The following SGSM2 variants were observed in gnomAD, a reference collection of about 807,000 sequenced individuals.
SGSM2 encodes the protein small G protein signaling modulator 2.
SGSM2 carries 89 observed loss-of-function variants against 126.6 expected under a neutral mutation model. The ratio of observed to expected loss-of-function variants is 0.70; its 90% CI spans 0.59 to 0.84. The LOEUF (loss-of-function observed/expected upper bound fraction) is 0.84, where lower values mean the gene tolerates loss of function less well. SGSM2 is among the 40% of genes least tolerant of loss of function. The pLI, the probability that SGSM2 is intolerant of heterozygous loss-of-function variation, is 0.00. For missense variants in SGSM2, 1,404 were observed against 1,416.6 expected (o/e 0.99, Z 0.14); for synonymous variants, 614 against 574.3 (o/e 1.07, Z -0.99).
In SGSM2 at chr17:2,377,316, T is replaced by G; in HGVS notation, c.2802+248T>G. 3 of 438,132 alleles carry G rather than the reference T, an allele frequency of 6.8e-6. No homozygotes were observed. In the South Asian group the frequency reaches 8.9e-5, roughly 13 times the overall value. The allele number at this position is 438,132 out of a possible 1,614,324, so 27.1% of individuals were successfully genotyped here. On this transcript the variant is annotated intron_variant, in intron 21 of 23. Coordinates refer to ENST00000268989, the MANE Select transcript of SGSM2 (RefSeq NM_014853.3). ...CTGGCCAACATCGTGAAACCCCATCTCTACTAAAAATACAAAAATTAGCCG... is the reference window on the plus strand; with the variant it reads ...CTGGCCAACATCGTGAAACCCCATCGCTACTAAAAATACAAAAATTAGCCG...
chr17:2,363,936 C>A lies in SGSM2; in HGVS notation c.808-123C>A. 1 of 1,234,342 alleles carries A rather than the reference C, an allele frequency of 8.1e-7. No individual in the cohort carries two copies. The highest frequency in any genetic ancestry group is 1.2e-6 in the Non-Finnish European group (1 of 860,934). The allele number at this position is 1,234,342 out of a possible 1,614,324, so 76.5% of individuals were successfully genotyped here. On this transcript the variant is annotated intron_variant, in intron 7 of 23. Coordinates refer to ENST00000268989, the MANE Select transcript of SGSM2 (RefSeq NM_014853.3). The surrounding 1 kb of genome is among the most constrained non-coding windows in gnomAD (Gnocchi z 4.2). ...CCTGTGCTTCTGCCCCGTCCCTAGT[C>A]CAGGACCCCGTGACTAGCCTAGCTT... is the stretch of plus-strand genomic sequence containing the variant.
At chr17:2,358,873 G>GTTTTTGTTTT (rs1567817339) in intron 2 of SGSM2, among the ~76,000 whole-genome samples, 3 of 88,192 alleles carry the variant, frequency 3.4e-5, no homozygotes, top group African/African-American at 1.4e-4. Flanking sequence ...TGTTGTTGTT[G>GTTTTTGTTTT]TTTTTTTTTT....
At position 2,379,873 on chromosome 17, in the gene SGSM2, A is replaced by G. The variant is rs898788445; in HGVS notation, c.*353A>G. ...GAACCTGGGGCCCCACAGGATTAACAGGGGCTATAGCGGCCTGGGCCCTAC... is the reference window on the plus strand; with the variant it reads ...GAACCTGGGGCCCCACAGGATTAACGGGGGCTATAGCGGCCTGGGCCCTAC... On this transcript the variant is annotated 3_prime_UTR_variant, in exon 24 of 24. Coordinates refer to ENST00000268989, the MANE Select transcript of SGSM2 (RefSeq NM_014853.3). 3 of 1,300,256 alleles carry G rather than the reference A, an allele frequency of 2.3e-6. No individual in the cohort carries two copies. The highest frequency in any genetic ancestry group is 6.1e-5 in the East Asian group (2 of 32,700). The allele number at this position is 1,300,256 out of a possible 1,614,324, so 80.5% of individuals were successfully genotyped here. A position where few individuals can be genotyped will look rare whatever the true frequency, so the allele number is the denominator to read the frequency against.
chr17:2,375,361 A>G, intron 17 of SGSM2, 131 bp from the exon 18 acceptor site: 2 of 1,188,030 alleles, frequency 1.7e-6, no homozygotes, highest in Admixed American at 2.8e-5. Context: ...CCGTGGCCAC[A>G]GTGTTGGAGG....
chr17:2,351,348 C>T lies in SGSM2; in HGVS notation c.133+7728C>T, dbSNP rs565035163. On this transcript the variant is annotated intron_variant, in intron 2 of 23. Transcript: ENST00000268989. The stretch of plus-strand genomic sequence containing the variant: ...GGGATTGGTCTGCCTGTGAGGCCTA[C>T]CCAGGAGTAGAGACTAGAGGGGCGG... Among the ~76,000 whole-genome samples, 4 of 152,242 alleles carry T rather than the reference C, an allele frequency of 2.6e-5. No homozygotes were observed. In the East Asian group the frequency reaches 7.7e-4, roughly 29 times the overall value.
intron 13 of SGSM2, 103 bp downstream of exon 13, chr17:2,371,518 C>T: frequency 7.2e-7 from 1 of 1,391,856 alleles, no homozygotes; most frequent in Non-Finnish European, 9.6e-7. Context: ...AGGGTGGCCT[C>T]TAGAGTGGGA....
rs2065623653 is a variant in SGSM2, at chr17:2,367,057, G to GT, written c.1289-213dup. ...TTCCTAGAGAGGCTGCCTCCGAAGAGTGAGGTTCTGCAGCTGCCCCAGCCC... is the reference window on the plus strand; with the variant it reads ...TTCCTAGAGAGGCTGCCTCCGAAGAGTTGAGGTTCTGCAGCTGCCCCAGCCC... On this transcript the variant is annotated intron_variant, in intron 11 of 23. Coordinates refer to ENST00000268989, the MANE Select transcript of SGSM2 (RefSeq NM_014853.3). This position sits in a 1 kb window ranked among gnomAD's most constrained non-coding sequence, Gnocchi z 4.0. 1 of 551,474 alleles carries GT rather than the reference G, an allele frequency of 1.8e-6. No homozygotes were observed. Among genetic ancestry groups the GT allele is most frequent in the Non-Finnish European group, 3.2e-6 (1 of 310,592 alleles). The allele number at this position is 551,474 out of a possible 1,614,324, so 34.2% of individuals were successfully genotyped here.
chr17:2,380,095 T>C lies in SGSM2; in HGVS notation c.*575T>C. On this transcript the variant is annotated 3_prime_UTR_variant, in exon 24 of 24. Transcript: ENST00000268989. Reference sequence around the variant, plus strand: ...CCTTCAGGCCGCTCCCCCGAGATTCTGGGGCAGTCGGAAGATGTGGGCCCT... The same window carrying C: ...CCTTCAGGCCGCTCCCCCGAGATTCCGGGGCAGTCGGAAGATGTGGGCCCT... 1 of 1,392,996 alleles carries C rather than the reference T, an allele frequency of 7.2e-7. No homozygotes were observed. Among genetic ancestry groups the C allele is most frequent in the Non-Finnish European group, 9.3e-7 (1 of 1,076,906 alleles). The allele number at this position is 1,392,996 out of a possible 1,614,324, so 86.3% of individuals were successfully genotyped here. A position where few individuals can be genotyped will look rare whatever the true frequency, so the allele number is the denominator to read the frequency against.
intron 8 of SGSM2, 80 bp from the exon 9 acceptor site, chr17:2,364,516 G>A: frequency 6.7e-7 from 1 of 1,485,820 alleles, no homozygotes; most frequent in Admixed American, 1.7e-5. Context: ...GTTTCGTGGG[G>A]TGGTAGGACC....
At position 2,381,014 on chromosome 17, in the gene SGSM2, A is replaced by G. The variant is rs1162867359; in HGVS notation, c.*1494A>G. Reference sequence around the variant, plus strand: ...GTATGATTTTTGCCTCAGAAACTATACTCTTCTGTGTAACAGACCAATAAA... The same window carrying G: ...GTATGATTTTTGCCTCAGAAACTATGCTCTTCTGTGTAACAGACCAATAAA... On this transcript the variant is annotated 3_prime_UTR_variant, in exon 24 of 24. Transcript: ENST00000268989. 1.3e-5 allele frequency: 2 copies of G among 152,490 alleles called. No homozygotes were observed. Among genetic ancestry groups the G allele is most frequent in the Admixed American group, 6.5e-5 (1 of 15,280 alleles). The allele number at this position is 152,490 out of a possible 1,614,324, so 9.4% of individuals were successfully genotyped here.
Position 2,367,519 on chromosome 17 carries a change from C to T in SGSM2, c.1423+114C>T. The T allele has an allele frequency of 1.7e-6, 2 of 1,205,034 alleles. No individual in the cohort carries two copies. Among genetic ancestry groups the T allele is most frequent in the Non-Finnish European group, 2.3e-6 (2 of 859,338 alleles). 74.6% of individuals were successfully genotyped at this position (1,205,034 alleles called of 1,614,324 possible). ...GTGTTGGCATTAGGGGACTTGCACC[C>T]AGGGCAGTTCCCTTCCATCGGGGGC... On this transcript the variant is annotated intron_variant, in intron 12 of 23. Transcript: ENST00000268989. The surrounding 1 kb of genome is among the most constrained non-coding windows in gnomAD (Gnocchi z 4.0).
chr17:2,361,750 G>A lies in SGSM2; in HGVS notation c.247G>A (p.Gly83Arg), dbSNP rs375847490. The A allele has an allele frequency of 5.6e-6, 9 of 1,613,174 alleles. No individual in the cohort carries two copies. The highest frequency in any genetic ancestry group is 7.6e-6 in the Non-Finnish European group (9 of 1,179,970). Residue 83 changes from glycine (G) to arginine (R), a missense_variant, in exon 3 of 24, where the codon GGG becomes AGG. Physicochemically the swap from Gly to Arg is moderately radical, Grantham distance 125 (BLOSUM62 -2). Transcript: ENST00000268989. ...TKVGKTCPVA[G>R]EICHKVQELQ... Reference sequence around the variant, plus strand: ...GGTGGGGAAGACGTGCCCAGTGGCGGGGGAGATTTGCCACAAGGTACAGGA... The same window carrying A: ...GGTGGGGAAGACGTGCCCAGTGGCGAGGGAGATTTGCCACAAGGTACAGGA...
At chr17:2,360,950 C>T (rs1375222444) in intron 2 of SGSM2, among the ~76,000 whole-genome samples, 1 of 152,226 alleles carries the variant, frequency 6.6e-6, no homozygotes, top group East Asian at 1.9e-4. Context: ...AGCTTCTCCG[C>T]CCCACACACA....
At chr17:2,368,715 A>G (rs2065714769) in intron 12 of SGSM2, among the ~76,000 whole-genome samples, 2 of 148,936 alleles carry the variant, frequency 1.3e-5, no homozygotes, top group South Asian at 4.3e-4. Flanking sequence ...AGGTGGGAAC[A>G]TCCTACTTCT....
rs768928260 is a variant in SGSM2, at chr17:2,372,220, G to A, written c.1608G>A (p.Met536Ile). 2.5e-6 allele frequency: 4 copies of A among 1,613,192 alleles called. No homozygotes were observed. Among genetic ancestry groups the A allele is most frequent in the Non-Finnish European group, 1.7e-6 (2 of 1,179,778 alleles). ...RLPLRLLCES[M>I]KRQIVSRAFY... ...CGCTCAGGCTACTGTGTGAGAGTAT[G>A]AAGAGGCAGATCGTGTCCCGGGCCT... is the stretch of plus-strand genomic sequence containing the variant. The change falls in exon 14 of 24, where the codon ATG (methionine) becomes ATA (isoleucine). Residue 536 changes from methionine (M) to isoleucine (I), a missense_variant. By Grantham distance (10) the Met-to-Ile change is conservative. Transcript: ENST00000268989. This position sits in a 1 kb window ranked among gnomAD's most constrained non-coding sequence, Gnocchi z 6.0.
intron 13 of SGSM2, chr17:2,371,635 G>T: frequency 1.8e-6 from 1 of 569,086 alleles, no homozygotes. Flanking sequence ...CTGTAAAATG[G>T]GGATGATGCC....
chr17:2,369,711 T>TGCCC (rs1179266741), intron 12 of SGSM2, among the ~76,000 whole-genome samples: 1 of 144,780 alleles, frequency 6.9e-6, no homozygotes, highest in African/African-American at 2.5e-5. Flanking sequence ...CCTCCCTGCC[T>TGCCC]GCCCGCCTGT....
intron 1 of SGSM2, among the ~76,000 whole-genome samples, chr17:2,342,886 A>G (rs745502725): frequency 2.7e-4 from 41 of 152,144 alleles, no homozygotes; most frequent in Non-Finnish European, 5.0e-4. Flanking sequence ...CTGAGGCAGG[A>G]GAATCGCTTG....
intron 2 of SGSM2, among the ~76,000 whole-genome samples, chr17:2,349,696 A>G (rs1230986973): frequency 6.6e-6 from 1 of 152,018 alleles, no homozygotes; most frequent in Non-Finnish European, 1.5e-5. Context: ...TCGTGACTTG[A>G]TCATTGTTGA....
Sources: allele counts gnomAD v4.1 joint callset (sites outside exome capture counted in the v4.1 genomes callset), GRCh38; gene constraint gnomAD v4.1.1; non-coding constraint Gnocchi (gnomAD v3.1); transcripts MANE v1.5; gene names NCBI Gene and HGNC (gene_info 2026-07-23, HGNC 2026-07-21).